RGS10: variants seen among roughly 807,000 people sequenced by gnomAD.
The protein encoded by RGS10 is regulator of G protein signaling 10.
RGS10 carries 11 observed loss-of-function variants against 23.5 expected under a neutral mutation model. The ratio of observed to expected loss-of-function variants is 0.47; its 90% CI spans 0.29 to 0.77. The LOEUF is 0.77. RGS10 is among the 30% of genes least tolerant of loss of function. The pLI is 0.08. For missense variants in RGS10, 180 were observed against 226.3 expected, an observed-to-expected ratio of 0.80 and a Z score of 1.31; for synonymous variants, 77 against 83.2, an observed-to-expected ratio of 0.92 and a Z score of 0.41.
chr10:119,542,474 G>A (rs1844444730), intron 1 of RGS10, 116 bp downstream of exon 1: 1 of 895,352 alleles, frequency 1.1e-6, no homozygotes, highest in Non-Finnish European at 1.5e-6. Flanking sequence ...GGTCGGCCGG[G>A]GCTCCAGTCT....
chr10:119,502,046 C>A (rs889378105), intron 4 of RGS10, among the ~76,000 whole-genome samples: 1 of 152,158 alleles, frequency 6.6e-6, no homozygotes, highest in Non-Finnish European at 1.5e-5. Flanking sequence ...CCTCCTTAAG[C>A]CCCTGTCCTG....
At chr10:119,506,931 C>CT (rs1844021379) in intron 4 of RGS10, among the ~76,000 whole-genome samples, 1 of 152,148 alleles carries the variant, frequency 6.6e-6, no homozygotes, top group Non-Finnish European at 1.5e-5. Context: ...AATCTCTTGA[C>CT]TTTGTCATCC....
At chr10:119,512,117 AGCGGAGCCGCACGTGGTGATGAGGG>A (rs199803959) in intron 4 of RGS10, among the ~76,000 whole-genome samples, 9,207 of 152,264 alleles carry the variant, frequency 0.06, 335 homozygotes, top group African/African-American at 0.091. Flanking sequence ...CTCAGAGAGC[AGCGGAGCCGCACGTGGTGATGAGGG>A]GCTAAGTTCG....
At chr10:119,519,308 C>A (rs1230055525) in intron 3 of RGS10, among the ~76,000 whole-genome samples, 37 of 151,550 alleles carry the variant, frequency 2.4e-4, no homozygotes, top group Non-Finnish European at 1.6e-4. Flanking sequence ...CTGTGTCTGT[C>A]CCCCAGCTCC....
chr10:119,519,786 T>C (rs1844192093), intron 3 of RGS10, among the ~76,000 whole-genome samples: 1 of 150,798 alleles, frequency 6.6e-6, no homozygotes, highest in African/African-American at 2.4e-5. Flanking sequence ...TCCCTGTCTG[T>C]CCCCCAGCTC....
At chr10:119,522,057 C>T (rs940575858) in intron 3 of RGS10, among the ~76,000 whole-genome samples, 1 of 152,232 alleles carries the variant, frequency 6.6e-6, no homozygotes, top group South Asian at 2.1e-4. Flanking sequence ...GACTTGGATC[C>T]AGGAAATGGA....
chr10:119,538,900 T>C lies in RGS10; in HGVS notation c.49+3690A>G, dbSNP rs10787977. On this transcript the variant is annotated intron_variant, in intron 1 of 4. Transcript: ENST00000369103. This position sits in a 1 kb window ranked among gnomAD's most constrained non-coding sequence, Gnocchi z 4.5. ...CAACAGGTTCCCAGAGCCCAGCATCTGGGGACTCACTCCACCCAGGGAGGG... is the reference window on the plus strand; with the variant it reads ...CAACAGGTTCCCAGAGCCCAGCATCCGGGGACTCACTCCACCCAGGGAGGG... Among the ~76,000 whole-genome samples, 135,126 of 152,220 alleles carry C rather than the reference T, an allele frequency of 0.89. 60,126 individuals are homozygous for C. Among genetic ancestry groups the C allele is most frequent in the African/African-American group, 0.95 (39,399 of 41,536 alleles).
At chr10:119,518,215 G>A (rs1252790160) in intron 3 of RGS10, among the ~76,000 whole-genome samples, 3 of 152,188 alleles carry the variant, frequency 2.0e-5, no homozygotes, top group Admixed American at 1.3e-4. Context: ...TCTCTTCCAC[G>A]GCCCTGACAC....
At chr10:119,521,886 T>G (rs1356233295) in intron 3 of RGS10, among the ~76,000 whole-genome samples, 1 of 152,072 alleles carries the variant, frequency 6.6e-6, no homozygotes, top group Non-Finnish European at 1.5e-5. Flanking sequence ...AAATAACATT[T>G]CCACTCAACA....
chr10:119,525,749 C>G (rs1257658299), intron 3 of RGS10, among the ~76,000 whole-genome samples: 5 of 152,164 alleles, frequency 3.3e-5, no homozygotes, highest in African/African-American at 1.2e-4. Context: ...ATCCTCATAA[C>G]TTATTCATGA....
At chr10:119,510,964 C>T (rs530061710) in intron 4 of RGS10, among the ~76,000 whole-genome samples, 38 of 152,188 alleles carry the variant, frequency 2.5e-4, no homozygotes, top group African/African-American at 7.5e-4. Flanking sequence ...GTGATCTGCC[C>T]GCCTCGGCCT....
rs1174336877 is a variant in RGS10, at chr10:119,509,012, G to A, written c.399+6497C>T. ...GCTACTCAGCAGTCTAAGGTTAGAG[G>A]ATGGATCGAGCCTGGGAGGTCAAGG... On this transcript the variant is annotated intron_variant, in intron 4 of 4. Coordinates refer to ENST00000369103, the MANE Select transcript of RGS10 (RefSeq NM_001005339.2). 2.0e-5 allele frequency among the ~76,000 whole-genome samples: 3 copies of A among 152,150 alleles called. No homozygotes were observed. The South Asian group carries it at 6.2e-4, about 32-fold the overall frequency.
At chr10:119,510,844 G>A (rs1405730136) in intron 4 of RGS10, among the ~76,000 whole-genome samples, 5 of 151,866 alleles carry the variant, frequency 3.3e-5, no homozygotes, top group Admixed American at 1.3e-4. Context: ...TCAGCCTCCC[G>A]AGTAGCTGGG....
intron 1 of RGS10, among the ~76,000 whole-genome samples, chr10:119,528,786 A>C (rs961778531): frequency 6.6e-6 from 1 of 152,082 alleles, no homozygotes; most frequent in African/African-American, 2.4e-5. Flanking sequence ...GTGAGCCAAG[A>C]TCACACCACT....
intron 2 of RGS10, among the ~76,000 whole-genome samples, chr10:119,526,362 C>T (rs988187222): frequency 1.3e-5 from 2 of 152,126 alleles, no homozygotes; most frequent in Non-Finnish European, 2.9e-5. Flanking sequence ...CAGGAATGTA[C>T]TCATATTTCT....
chr10:119,515,090 G>A (rs774911882), intron 4 of RGS10, among the ~76,000 whole-genome samples: 24 of 152,190 alleles, frequency 1.6e-4, no homozygotes, highest in Non-Finnish European at 1.5e-5. Context: ...GCCACCAGAA[G>A]TATGTGGAGG....
In RGS10 at chr10:119,542,701, A is replaced by G. The variant is rs1844447684; in HGVS notation, c.-63T>C. On this transcript the variant is annotated 5_prime_UTR_variant, in exon 1 of 5. Transcript: ENST00000369103. ...GCGGCGCGGCGGCTGAGCCGGAGGA[A>G]GGCGAGGAGGAGGAGGAGGGCGAGG... The G allele has an allele frequency of 7.6e-7, 1 of 1,307,254 alleles. No individual in the cohort carries two copies. 81.0% of individuals were successfully genotyped at this position (1,307,254 alleles called of 1,614,324 possible). A position where few individuals can be genotyped will look rare whatever the true frequency, so the allele number is the denominator to read the frequency against.
intron 4 of RGS10, among the ~76,000 whole-genome samples, chr10:119,501,568 C>G (rs529343340): frequency 6.6e-6 from 1 of 151,826 alleles, no homozygotes; most frequent in African/African-American, 2.4e-5. Flanking sequence ...ACTAAAAATA[C>G]AAAAATTAGC....
chr10:119,530,760 G>A (rs1844323540), intron 1 of RGS10, among the ~76,000 whole-genome samples: 1 of 152,242 alleles, frequency 6.6e-6, no homozygotes, highest in Non-Finnish European at 1.5e-5. Context: ...AGGAGTTCAA[G>A]GCTGCAGTGA....
Sources: gnomAD v4.1 joint callset for allele counts (sites outside exome capture counted in the v4.1 genomes callset) on GRCh38, gnomAD v4.1.1 for gene constraint, Gnocchi (gnomAD v3.1) non-coding constraint, MANE v1.5 for transcripts, NCBI Gene and HGNC (gene_info 2026-07-23, HGNC 2026-07-21) for gene names.